ZCCHC17: variants seen among roughly 807,000 people sequenced by gnomAD.
ZCCHC17 encodes the protein zinc finger CCHC domain-containing protein 17.
Under a neutral mutation model 30.6 loss-of-function variants are expected in ZCCHC17, and 18 were observed. The ratio of observed to expected loss-of-function variants is 0.59; its 90% CI spans 0.41 to 0.87. The LOEUF (loss-of-function observed/expected upper bound fraction) is 0.87, where lower values mean the gene tolerates loss of function less well. Ranked by LOEUF, ZCCHC17 falls within the 40% of genes least tolerant of loss-of-function variation. ZCCHC17 has a pLI of 0.00. For synonymous variants in ZCCHC17, 88 were observed against 92.4 expected (o/e 0.95, Z 0.27); for missense variants, 263 against 284.2 (o/e 0.93, Z 0.54).
intron 3 of ZCCHC17, among the ~76,000 whole-genome samples, chr1:31,331,667 A>G (rs545969699): frequency 6.6e-6 from 1 of 151,582 alleles, no homozygotes; most frequent in Non-Finnish European, 1.5e-5. Context: ...GCTGGAATGC[A>G]ATGGCTCGAT....
At chr1:31,339,960 CTTT>C (rs36008834) in intron 5 of ZCCHC17, among the ~76,000 whole-genome samples, 5 of 90,422 alleles carry the variant, frequency 5.5e-5, no homozygotes, top group South Asian at 1.0e-3. Flanking sequence ...TCTTGGATTT[CTTT>C]TTTTTTTTTT....
At chr1:31,304,271 T>C (rs1646390041) in intron 1 of ZCCHC17, among the ~76,000 whole-genome samples, 1 of 112,954 alleles carries the variant, frequency 8.9e-6, no homozygotes, top group African/African-American at 2.5e-5. Context: ...TGTTATATAC[T>C]CTTTTTTTTT....
intron 7 of ZCCHC17, among the ~76,000 whole-genome samples, chr1:31,352,686 G>A (rs1639510173): frequency 6.6e-6 from 1 of 152,112 alleles, no homozygotes. Context: ...GCCTCAAGCA[G>A]TCTTCCCACC....
chr1:31,317,561 G>A (rs1219196982), intron 2 of ZCCHC17, among the ~76,000 whole-genome samples: 1 of 152,162 alleles, frequency 6.6e-6, no homozygotes, highest in Admixed American at 6.5e-5. Flanking sequence ...GGTGGGAAAT[G>A]GCAGAGCTAG....
intron 6 of ZCCHC17, 73 bp from the exon 7 acceptor site, chr1:31,348,756 T>G: frequency 1.3e-6 from 2 of 1,576,618 alleles, no homozygotes; most frequent in Non-Finnish European, 1.7e-6. Context: ...TTCAGGAGAC[T>G]TGGGGAAAGA....
intron 1 of ZCCHC17, among the ~76,000 whole-genome samples, chr1:31,305,555 G>T (rs907614308): frequency 6.6e-6 from 1 of 152,154 alleles, no homozygotes; most frequent in Non-Finnish European, 1.5e-5. Flanking sequence ...CTTCCAAAGT[G>T]CTGGGATACA....
At chr1:31,308,452 G>A (rs2148412375) in intron 1 of ZCCHC17, among the ~76,000 whole-genome samples, 1 of 152,298 alleles carries the variant, frequency 6.6e-6, no homozygotes, top group Admixed American at 6.5e-5. Context: ...ACCAAAATCA[G>A]GACATCAAGT....
chr1:31,299,550 G>A (rs960907664), intron 1 of ZCCHC17, among the ~76,000 whole-genome samples: 1 of 152,228 alleles, frequency 6.6e-6, no homozygotes, highest in African/African-American at 2.4e-5. Context: ...GAAGGAGGGT[G>A]TGAGTCATCC....
chr1:31,297,847 G>A (rs1348814149), intron 1 of ZCCHC17, among the ~76,000 whole-genome samples: 1 of 152,244 alleles, frequency 6.6e-6, no homozygotes, highest in East Asian at 1.9e-4. Flanking sequence ...GAGCCCTGAG[G>A]CACTTGGGAG....
intron 1 of ZCCHC17, among the ~76,000 whole-genome samples, chr1:31,303,622 G>A (rs975552204): frequency 3.3e-5 from 5 of 151,980 alleles, no homozygotes; most frequent in Admixed American, 1.3e-4. Flanking sequence ...GGATGTGTAG[G>A]GTTTTTTTCC....
chr1:31,356,346 G>A (rs950203143), intron 7 of ZCCHC17, among the ~76,000 whole-genome samples: 3 of 152,160 alleles, frequency 2.0e-5, no homozygotes, highest in Admixed American at 6.5e-5. Flanking sequence ...TCTCATCTCC[G>A]TTTCTTCACA....
chr1:31,341,101 C>T (rs1193794140), intron 5 of ZCCHC17, among the ~76,000 whole-genome samples: 1 of 152,226 alleles, frequency 6.6e-6, no homozygotes, highest in East Asian at 1.9e-4. Flanking sequence ...CTCAGTCTCT[C>T]TGACCTTAAA....
At chr1:31,334,733 G>T (rs1011967206) in intron 3 of ZCCHC17, among the ~76,000 whole-genome samples, 1 of 151,936 alleles carries the variant, frequency 6.6e-6, no homozygotes, top group Admixed American at 6.6e-5. Context: ...TACATAATAG[G>T]CACTCAATAA....
intron 7 of ZCCHC17, among the ~76,000 whole-genome samples, chr1:31,351,823 C>G (rs925181794): frequency 6.6e-6 from 1 of 152,186 alleles, no homozygotes; most frequent in Non-Finnish European, 1.5e-5. Flanking sequence ...TGCTTTAACT[C>G]TGAATGTTGG....
intron 3 of ZCCHC17, among the ~76,000 whole-genome samples, chr1:31,320,631 T>C (rs1366496671): frequency 6.6e-6 from 1 of 152,276 alleles, no homozygotes; most frequent in Non-Finnish European, 1.5e-5. Context: ...TCATCTGTTT[T>C]ATAATATGTA....
intron 5 of ZCCHC17, among the ~76,000 whole-genome samples, chr1:31,346,313 A>G (rs970671578): frequency 6.6e-6 from 1 of 152,162 alleles, no homozygotes; most frequent in Non-Finnish European, 1.5e-5. Context: ...CAAGGTAAAG[A>G]ATTTGGAGCT....
chr1:31,318,815 C>A (rs182836691), intron 2 of ZCCHC17, among the ~76,000 whole-genome samples: 199 of 152,184 alleles, frequency 1.3e-3, no homozygotes, highest in African/African-American at 4.4e-3. Context: ...TCCCTTTGTT[C>A]ATGAAACTCT....
intron 3 of ZCCHC17, among the ~76,000 whole-genome samples, chr1:31,325,552 C>T (rs1221075869): frequency 6.6e-6 from 1 of 152,228 alleles, no homozygotes; most frequent in Non-Finnish European, 1.5e-5. Context: ...GCTGCCTGCC[C>T]AGCCACAGCA....
chr1:31,319,082 A>G (rs769039744), intron 2 of ZCCHC17, 27 bp from the exon 3 acceptor site: 1 of 1,599,380 alleles, frequency 6.3e-7, no homozygotes, highest in South Asian at 1.1e-5. Flanking sequence ...TGTATGTGAC[A>G]TTGATTTTTT....
Sources: gnomAD v4.1 joint callset for allele counts (sites outside exome capture counted in the v4.1 genomes callset) on GRCh38, gnomAD v4.1.1 for gene constraint, MANE v1.5 for transcripts, NCBI Gene and HGNC (gene_info 2026-07-23, HGNC 2026-07-21) for gene names.